Variants in ZNF134 observed in about 807,000 individuals in gnomAD.
ZNF134 encodes the protein zinc finger protein 134.
Under a neutral mutation model 2.5 loss-of-function variants are expected in ZNF134, and 5 were observed. The observed-to-expected ratio is 2.03, with a 90% CI of 1.06 to 4.27. The LOEUF is 4.27. Among genes scored for constraint, ZNF134 ranks in the 30% most tolerant of loss-of-function variants. The probability of loss-of-function intolerance (pLI) is 0.00; values close to 1 mark genes in which losing one functional copy is unlikely to be tolerated. For synonymous variants in ZNF134, 176 were observed against 176.2 expected (o/e 1.00, Z 0.01); for missense variants, 540 against 517.5 (o/e 1.04, Z -0.42).
chr19:57,620,417 T>A lies in ZNF134; in HGVS notation c.298T>A (p.Tyr100Asn). The A allele has an allele frequency of 1.2e-6, 2 of 1,614,180 alleles. No individual in the cohort carries two copies. The change falls in exon 3 of 3, where the codon TAC becomes AAC. Residue 100 changes from tyrosine (Y) to asparagine (N), a missense_variant. By Grantham distance (143) the Tyr-to-Asn change is moderately radical. Transcript: ENST00000396161. The part of the protein sequence containing the change: ...SANLHQYQKC[Y>N]SIEQPLRRDK... The stretch of plus-strand genomic sequence containing the variant: ...AAACCTTCATCAGTACCAGAAGTGT[T>A]ACAGTATAGAGCAACCCTTAAGAAG...
chr19:57,615,602 A>T (rs1981029306), intron 1 of ZNF134, among the ~76,000 whole-genome samples: 1 of 152,138 alleles, frequency 6.6e-6, no homozygotes. Context: ...CACTGAACAA[A>T]GGAGGGAAGG....
In ZNF134 at chr19:57,621,514, G is replaced by GA. The variant is rs1455366002; in HGVS notation, c.*112dup. ...GCCAGGTACGTGGGAACCTTCTAGG[G>GA]ATATGTTGCACTTTCTGACTTGCTC... is the stretch of plus-strand genomic sequence containing the variant. On this transcript the variant is annotated 3_prime_UTR_variant, in exon 3 of 3. Coordinates refer to ENST00000396161, the MANE Select transcript of ZNF134 (RefSeq NM_003435.5). 5.9e-6 allele frequency: 9 copies of GA among 1,530,486 alleles called. No homozygotes were observed. Among genetic ancestry groups the GA allele is most frequent in the Non-Finnish European group, 8.1e-6 (9 of 1,117,476 alleles). 94.8% of individuals were successfully genotyped at this position (1,530,486 alleles called of 1,614,324 possible). A position where few individuals can be genotyped will look rare whatever the true frequency, so the allele number is the denominator to read the frequency against.
rs1981282895 is a variant in ZNF134 at position 57,623,246 on chromosome 19, T to C, written c.*1843T>C. Reference sequence around the variant, plus strand: ...GTCCATGGTATGTATGAACAGTCCATTTTAAAATTACTGAGTCATATTCTG... The same window carrying C: ...GTCCATGGTATGTATGAACAGTCCACTTTAAAATTACTGAGTCATATTCTG... On this transcript the variant is annotated 3_prime_UTR_variant, in exon 3 of 3. Transcript: ENST00000396161. 1 of 152,332 alleles carries C rather than the reference T, an allele frequency of 6.6e-6. No homozygotes were observed. Among genetic ancestry groups the C allele is most frequent in the South Asian group, 2.1e-4 (1 of 4,828 alleles). 9.4% of individuals were successfully genotyped at this position (152,332 alleles called of 1,614,324 possible). A position where few individuals can be genotyped will look rare whatever the true frequency, so the allele number is the denominator to read the frequency against.
intron 1 of ZNF134, among the ~76,000 whole-genome samples, chr19:57,618,628 T>C (rs1981115544): frequency 6.6e-6 from 1 of 152,126 alleles, no homozygotes; most frequent in Non-Finnish European, 1.5e-5. Flanking sequence ...AAATGATTAA[T>C]GGAATATGAG....
At chr19:57,619,369 T>C in intron 1 of ZNF134, 43 bp from the exon 2 acceptor site, 2 of 1,466,242 alleles carry the variant, frequency 1.4e-6, no homozygotes, top group Non-Finnish European at 1.9e-6. Context: ...TGGCTAGTGC[T>C]CTCAGCCTGT....
chr19:57,621,565 T>G lies in ZNF134; in HGVS notation c.*162T>G. 1 of 1,060,588 alleles carries G rather than the reference T, an allele frequency of 9.4e-7. No homozygotes were observed. Among genetic ancestry groups the G allele is most frequent in the East Asian group, 2.4e-5 (1 of 42,442 alleles). 65.7% of individuals were successfully genotyped at this position (1,060,588 alleles called of 1,614,324 possible). A position where few individuals can be genotyped will look rare whatever the true frequency, so the allele number is the denominator to read the frequency against. The stretch of plus-strand genomic sequence containing the variant: ...AGGTTTTTTGCCAGAGTTATGTCAC[T>G]GTCAATCCATGTGGCCGAAACCATC... On this transcript the variant is annotated 3_prime_UTR_variant, in exon 3 of 3. Transcript: ENST00000396161.
At position 57,621,896 on chromosome 19, in the gene ZNF134, GATA is replaced by G. The variant is rs1981234825; in HGVS notation, c.*498_*500del. 5 of 265,260 alleles carry G rather than the reference GATA, an allele frequency of 1.9e-5. No individual in the cohort carries two copies. The South Asian group carries it at 2.2e-4, about 12-fold the overall frequency. 16.4% of individuals were successfully genotyped at this position (265,260 alleles called of 1,614,324 possible). A position where few individuals can be genotyped will look rare whatever the true frequency, so the allele number is the denominator to read the frequency against. On this transcript the variant is annotated 3_prime_UTR_variant, in exon 3 of 3. Transcript: ENST00000396161. ...CTTGCCTCATGTTGCTCTGGTTTGT[GATA>G]ATAAAGGCTTTACAGTTTAAGCCAC...
chr19:57,617,371 A>C (rs1981083015), intron 1 of ZNF134, among the ~76,000 whole-genome samples: 1 of 152,194 alleles, frequency 6.6e-6, no homozygotes, highest in African/African-American at 2.4e-5. Flanking sequence ...ATGGATTCTG[A>C]ATCATTTTTC....
intron 1 of ZNF134, among the ~76,000 whole-genome samples, chr19:57,616,122 A>G (rs936203709): frequency 6.6e-6 from 1 of 152,186 alleles, no homozygotes; most frequent in Non-Finnish European, 1.5e-5. Flanking sequence ...ATCCCCAACC[A>G]GTGCATTGGT....
At position 57,621,541 on chromosome 19, in the gene ZNF134, G is replaced by C. The variant is rs1981221902; in HGVS notation, c.*138G>C. ...TATGTTGCACTTTCTGACTTGCTCA[G>C]GTTTTTTGCCAGAGTTATGTCACTG... On this transcript the variant is annotated 3_prime_UTR_variant, in exon 3 of 3. Coordinates refer to ENST00000396161, the MANE Select transcript of ZNF134 (RefSeq NM_003435.5). The C allele has an allele frequency of 7.2e-7, 1 of 1,384,600 alleles. No individual in the cohort carries two copies. The highest frequency in any genetic ancestry group is 1.7e-5 in the Admixed American group (1 of 59,708). The allele number at this position is 1,384,600 out of a possible 1,614,324, so 85.8% of individuals were successfully genotyped here.
In ZNF134 at chr19:57,623,656, G is replaced by T. The variant is rs952602243; in HGVS notation, c.*2253G>T. On this transcript the variant is annotated 3_prime_UTR_variant, in exon 3 of 3. Transcript: ENST00000396161. ...AGCCAAGGATGTTTGCTGATACCGGGATCAAAACATACATCAGAACACTGT... is the reference window on the plus strand; with the variant it reads ...AGCCAAGGATGTTTGCTGATACCGGTATCAAAACATACATCAGAACACTGT... 1 of 152,080 alleles carries T rather than the reference G, an allele frequency of 6.6e-6. No individual in the cohort carries two copies. Among genetic ancestry groups the T allele is most frequent in the African/African-American group, 2.4e-5 (1 of 41,400 alleles). The allele number at this position is 152,080 out of a possible 1,614,324, so 9.4% of individuals were successfully genotyped here.
rs1054082211 is a variant in ZNF134 at position 57,618,992 on chromosome 19, C to T, written c.-57-420C>T. ...TGGGTACTGCTCTCTTCTCTGATTC[C>T]CTCACATAGGTCCCCTGGGTGCCTA... On this transcript the variant is annotated intron_variant, in intron 1 of 2. Coordinates refer to ENST00000396161, the MANE Select transcript of ZNF134 (RefSeq NM_003435.5). The T allele has an allele frequency of 1.6e-5, 3 of 191,880 alleles. No homozygotes were observed. In the Admixed American group the frequency reaches 1.6e-4, roughly 10 times the overall value. The allele number at this position is 191,880 out of a possible 1,614,324, so 11.9% of individuals were successfully genotyped here.
chr19:57,618,070 G>A (rs1176167979), intron 1 of ZNF134, among the ~76,000 whole-genome samples: 1 of 152,164 alleles, frequency 6.6e-6, no homozygotes, highest in Non-Finnish European at 1.5e-5. Context: ...CTGTGCTTGG[G>A]GTAGGTGCCC....
intron 1 of ZNF134, among the ~76,000 whole-genome samples, chr19:57,616,380 T>G (rs1171929152): frequency 1.3e-5 from 2 of 152,348 alleles, no homozygotes; most frequent in African/African-American, 4.8e-5. Flanking sequence ...TGGAAAAATC[T>G]TAACCAAATT....
In ZNF134 at chr19:57,620,219, G is replaced by A; in HGVS notation, c.100G>A (p.Val34Met). The change falls in exon 3 of 3, where the codon GTG becomes ATG. Residue 34 changes from valine to methionine, a missense_variant. Val to Met is a conservative substitution (Grantham distance 21, BLOSUM62 1). Coordinates refer to ENST00000396161, the MANE Select transcript of ZNF134 (RefSeq NM_003435.5). Reference sequence around the variant, plus strand: ...TTCTGAACAGAGCATTTCTATAGCAGTGTCACATGTTAATACTTCCAAGGC... The same window carrying A: ...TTCTGAACAGAGCATTTCTATAGCAATGTCACATGTTAATACTTCCAAGGC... ...SSSEQSISIA[V>M]SHVNTSKAGL... 4.3e-6 allele frequency: 7 copies of A among 1,614,224 alleles called. No homozygotes were observed. The highest frequency in any genetic ancestry group is 1.1e-5 in the South Asian group (1 of 91,090).
In ZNF134 at chr19:57,614,406, G is replaced by T; in HGVS notation, c.-155G>T. ...CCCGCCTGCGCCCCCGGGGACGGAC[G>T]ACCGCGGTGCCAGGGTCCCGCGACC... On this transcript the variant is annotated 5_prime_UTR_variant, in exon 1 of 3. Coordinates refer to ENST00000396161, the MANE Select transcript of ZNF134 (RefSeq NM_003435.5). 1 of 451,266 alleles carries T rather than the reference G, an allele frequency of 2.2e-6. No individual in the cohort carries two copies. Among genetic ancestry groups the T allele is most frequent in the Non-Finnish European group, 4.5e-6 (1 of 224,636 alleles). The allele number at this position is 451,266 out of a possible 1,614,324, so 28.0% of individuals were successfully genotyped here. A position where few individuals can be genotyped will look rare whatever the true frequency, so the allele number is the denominator to read the frequency against.
rs531526014 is a variant in ZNF134, at chr19:57,614,936, G to A, written c.-58+433G>A. On this transcript the variant is annotated intron_variant, in intron 1 of 2. Coordinates refer to ENST00000396161, the MANE Select transcript of ZNF134 (RefSeq NM_003435.5). ...CTGCAACAAACTCCAGAAGTGTTGCGGTGGTGGCTGGGCCAGAGCAGTGGC... is the reference window on the plus strand; with the variant it reads ...CTGCAACAAACTCCAGAAGTGTTGCAGTGGTGGCTGGGCCAGAGCAGTGGC... Among the ~76,000 whole-genome samples the A allele has an allele frequency of 6.6e-5, 10 of 152,244 alleles. No homozygotes were observed. The East Asian group carries it at 1.9e-3, about 29-fold the overall frequency.
At chr19:57,617,874 C>CA (rs1981094057) in intron 1 of ZNF134, among the ~76,000 whole-genome samples, 1 of 152,074 alleles carries the variant, frequency 6.6e-6, no homozygotes, top group Non-Finnish European at 1.5e-5. Context: ...GCGTTCCAGG[C>CA]AGAGAGTGGA....
chr19:57,618,409 A>G (rs1321028206), intron 1 of ZNF134, among the ~76,000 whole-genome samples: 7 of 152,214 alleles, frequency 4.6e-5, no homozygotes. Flanking sequence ...AGGTATAGCC[A>G]AAAGGGTGAT....
Sources: gnomAD v4.1 joint callset for allele counts (sites outside exome capture counted in the v4.1 genomes callset) on GRCh38, gnomAD v4.1.1 for gene constraint, MANE v1.5 for transcripts, NCBI Gene and HGNC (gene_info 2026-07-23, HGNC 2026-07-21) for gene names.